The following PARG variants were observed in gnomAD, a reference collection of about 807,000 sequenced individuals.
The protein encoded by PARG is poly(ADP-ribose) glycohydrolase.
A neutral mutation model predicts 113.0 loss-of-function variants in PARG; 35 were observed. The observed-to-expected ratio is 0.31, with a 90% CI of 0.24 to 0.41. The LOEUF (loss-of-function observed/expected upper bound fraction) is 0.41, where lower values mean the gene tolerates loss of function less well. Among genes scored for constraint, PARG ranks in the 10% least tolerant of loss-of-function variants. The pLI is 1.00. For missense variants in PARG, 797 were observed against 1,169.4 expected (o/e 0.68, Z 4.64); for synonymous variants, 330 against 409.9 (o/e 0.81, Z 2.36).
In PARG at chr10:49,932,060, T is replaced by C. The variant is rs1554909906; in HGVS notation, c.1455+40A>G. 4,615 of 1,133,788 alleles carry C rather than the reference T, an allele frequency of 4.1e-3. 76 individuals carry two copies. In the African/African-American group the frequency reaches 0.063, roughly 15 times the overall value. The allele number at this position is 1,133,788 out of a possible 1,614,324, so 70.2% of individuals were successfully genotyped here. A position where few individuals can be genotyped will look rare whatever the true frequency, so the allele number is the denominator to read the frequency against. On this transcript the variant is annotated intron_variant, in intron 4 of 17. Transcript: ENST00000616448. Reference sequence around the variant, plus strand: ...AATAAATATCACAATAAATAAGGACTTCCAGTCTTCTCTCATCATAGATAA... The same window carrying C: ...AATAAATATCACAATAAATAAGGACCTCCAGTCTTCTCTCATCATAGATAA...
intron 13 of PARG, among the ~76,000 whole-genome samples, chr10:49,845,632 C>T (rs1407046308): frequency 6.6e-6 from 1 of 152,054 alleles, no homozygotes; most frequent in Non-Finnish European, 1.5e-5. Flanking sequence ...CACAGTGGCT[C>T]ATGCCTGTAA....
chr10:49,933,720 G>A lies in PARG; in HGVS notation c.728C>T (p.Pro243Leu). ...CTGACAACTTGCACAGTCTTCCCCA[G>A]GATCGCAAGACTTGCTGCACTTCTG... ...SHQKCSKSCDPGEDCASCQQD... is the reference protein window; with the variant it reads ...SHQKCSKSCDLGEDCASCQQD... Residue 243 changes from proline to leucine, a missense_variant, in exon 3 of 18, where the codon CCT (proline) becomes CTT (leucine). Transcript: ENST00000616448. The A allele has an allele frequency of 9.3e-6, 15 of 1,611,116 alleles. No individual in the cohort carries two copies. In the South Asian group the frequency reaches 1.6e-4, roughly 18 times the overall value.
chr10:49,856,184 A>G (rs1448797191), intron 13 of PARG, among the ~76,000 whole-genome samples: 2 of 144,430 alleles, frequency 1.4e-5, no homozygotes, highest in African/African-American at 4.9e-5. Flanking sequence ...AGATAATCAG[A>G]CTTTTTTTTT....
intron 16 of PARG, among the ~76,000 whole-genome samples, chr10:49,825,766 G>A (rs1014919578): frequency 6.6e-6 from 1 of 152,118 alleles, no homozygotes; most frequent in African/African-American, 2.4e-5. Context: ...TAAATGGAAG[G>A]GTAACTGTGC....
chr10:49,883,551 C>T (rs1199920970), intron 8 of PARG, among the ~76,000 whole-genome samples: 1 of 148,114 alleles, frequency 6.8e-6, no homozygotes, highest in Non-Finnish European at 1.5e-5. Context: ...GTAATTTCAG[C>T]ACCATGGGAG....
In PARG at chr10:49,941,950, G is replaced by A. The variant is rs1839114720; in HGVS notation, c.-225C>T. 4.2e-6 allele frequency: 4 copies of A among 950,774 alleles called. No individual in the cohort carries two copies. The African/African-American group carries it at 4.9e-5, about 12-fold the overall frequency. The allele number at this position is 950,774 out of a possible 1,614,324, so 58.9% of individuals were successfully genotyped here. On this transcript the variant is annotated 5_prime_UTR_variant, in exon 1 of 18. Coordinates refer to ENST00000616448, the MANE Select transcript of PARG (RefSeq NM_003631.5). Reference sequence around the variant, plus strand: ...GGCACCCCACCTGCCTCAATGCGCCGCTTTGATTCGGGATTCGTTCACTTT... The same window carrying A: ...GGCACCCCACCTGCCTCAATGCGCCACTTTGATTCGGGATTCGTTCACTTT...
chr10:49,883,692 T>G lies in PARG; in HGVS notation c.1830+1511A>C, dbSNP rs543725594. Reference sequence around the variant, plus strand: ...GGCACACGCCTGTAGTCCCGGCTACTCAGGAAGCTGAGGCAGGAAAATCAC... The same window carrying G: ...GGCACACGCCTGTAGTCCCGGCTACGCAGGAAGCTGAGGCAGGAAAATCAC... On this transcript the variant is annotated intron_variant, in intron 8 of 17. Transcript: ENST00000616448. Among the ~76,000 whole-genome samples, 9 of 151,754 alleles carry G rather than the reference T, an allele frequency of 5.9e-5. No homozygotes were observed. The South Asian group carries it at 1.9e-3, about 32-fold the overall frequency.
chr10:49,889,059 G>GT (rs61640355), intron 7 of PARG, among the ~76,000 whole-genome samples: 99,940 of 142,950 alleles, frequency 0.7, 35,513 homozygotes, highest in African/African-American at 0.85. Flanking sequence ...TCTCTGGATA[G>GT]TTTTTTTTTT....
intron 1 of PARG, among the ~76,000 whole-genome samples, chr10:49,937,629 G>A (rs1217017029): frequency 2.0e-5 from 3 of 152,136 alleles, no homozygotes; most frequent in South Asian, 2.1e-4. Flanking sequence ...CACGAAGCAC[G>A]TACTCCTGTG....
intron 12 of PARG, among the ~76,000 whole-genome samples, chr10:49,858,370 C>CACACAA (rs1554835415): frequency 7.4e-6 from 1 of 135,328 alleles, no homozygotes; most frequent in Non-Finnish European, 1.6e-5. Context: ...CACACACACA[C>CACACAA]AACTTGTGTA....
intron 13 of PARG, among the ~76,000 whole-genome samples, chr10:49,857,043 G>A (rs1162593395): frequency 6.7e-6 from 1 of 150,134 alleles, no homozygotes; most frequent in Non-Finnish European, 1.5e-5. Context: ...AATTCAAACT[G>A]TGGGGTAACT....
At chr10:49,921,815 T>C (rs2132894688) in intron 6 of PARG, among the ~76,000 whole-genome samples, 1 of 151,998 alleles carries the variant, frequency 6.6e-6, no homozygotes, top group East Asian at 1.9e-4. Flanking sequence ...CTAGTTACCC[T>C]TGCAGTCATA....
chr10:49,858,385 C>T (rs1846097246), intron 12 of PARG, among the ~76,000 whole-genome samples: 3 of 145,646 alleles, frequency 2.1e-5, no homozygotes, highest in African/African-American at 2.5e-5. Context: ...TGTGTATATA[C>T]ATAGTCATAC....
chr10:49,887,218 A>C (rs1192411569), intron 7 of PARG, among the ~76,000 whole-genome samples: 3 of 152,096 alleles, frequency 2.0e-5, no homozygotes, highest in Non-Finnish European at 4.4e-5. Context: ...TTTTAAAACT[A>C]TGTATTCTGA....
At chr10:49,821,432 T>G (rs1282156056) in intron 16 of PARG, among the ~76,000 whole-genome samples, 8 of 152,192 alleles carry the variant, frequency 5.3e-5, no homozygotes, top group African/African-American at 1.7e-4. Flanking sequence ...CAGGCTGGAA[T>G]GTAGTGGTGT....
chr10:49,823,424 T>C (rs1007752299), intron 16 of PARG, among the ~76,000 whole-genome samples: 5 of 152,152 alleles, frequency 3.3e-5, no homozygotes, highest in African/African-American at 1.2e-4. Flanking sequence ...TAAAATACCA[T>C]CAAAGTATGT....
intron 7 of PARG, among the ~76,000 whole-genome samples, chr10:49,912,414 C>T (rs574565533): frequency 1.4e-3 from 215 of 152,288 alleles, no homozygotes; most frequent in Middle Eastern, 6.8e-3. Context: ...CCTGTAATCC[C>T]AGCACTTTGG....
chr10:49,836,217 AAATCAATCTACTATACTTCTT>A (rs1380012501), intron 15 of PARG, among the ~76,000 whole-genome samples: 6 of 151,870 alleles, frequency 4.0e-5, no homozygotes, highest in Non-Finnish European at 7.4e-5. Flanking sequence ...CATTTATATG[AAATCAATCTACTATACTTCTT>A]TAACTTAATA....
At chr10:49,866,713 G>C (rs1358730863) in intron 10 of PARG, among the ~76,000 whole-genome samples, 2 of 152,102 alleles carry the variant, frequency 1.3e-5, no homozygotes, top group Admixed American at 6.5e-5. Context: ...AAAATGCCTT[G>C]AGAGCACGTC....
Sources: allele counts gnomAD v4.1 joint callset (sites outside exome capture counted in the v4.1 genomes callset), GRCh38; gene constraint gnomAD v4.1.1; transcripts MANE v1.5; gene names NCBI Gene and HGNC (gene_info 2026-07-23, HGNC 2026-07-21).